TBX20: variants seen among roughly 807,000 people sequenced by gnomAD.
The protein encoded by TBX20 is T-box transcription factor TBX20.
TBX20 carries 8 observed loss-of-function variants against 42.9 expected under a neutral mutation model. That is an observed-to-expected ratio of 0.19 (90% CI 0.11 to 0.34). TBX20 has a LOEUF of 0.34. Ranked by LOEUF, TBX20 falls within the 10% of genes least tolerant of loss-of-function variation. The pLI, the probability that TBX20 is intolerant of heterozygous loss-of-function variation, is 1.00. For synonymous variants in TBX20, 198 were observed against 222.8 expected (o/e 0.89, Z 0.99); for missense variants, 411 against 566.0 (o/e 0.73, Z 2.78).
At position 35,204,455 on chromosome 7, in the gene TBX20, T is replaced by C. The variant is rs1789364136; in HGVS notation, c.1003+15A>G. On this transcript the variant is annotated intron_variant, in intron 7 of 7. Transcript: ENST00000408931. The stretch of plus-strand genomic sequence containing the variant: ...CTGCCTCCCAGCAATTCCATGGCCT[T>C]GGAAACTACCTTACCTCGATTTGGG... 1.3e-5 allele frequency: 20 copies of C among 1,593,254 alleles called. No homozygotes were observed. Among genetic ancestry groups the C allele is most frequent in the Non-Finnish European group, 1.7e-5 (20 of 1,161,516 alleles).
At chr7:35,234,874 T>C (rs1056098777) in intron 5 of TBX20, among the ~76,000 whole-genome samples, 3 of 152,128 alleles carry the variant, frequency 2.0e-5, no homozygotes, top group Admixed American at 6.5e-5. Flanking sequence ...ACAGCTTTTA[T>C]GGGGTATTAA....
At chr7:35,225,854 A>T (rs1184600223) in intron 6 of TBX20, among the ~76,000 whole-genome samples, 2 of 152,240 alleles carry the variant, frequency 1.3e-5, no homozygotes, top group Non-Finnish European at 2.9e-5. Context: ...AATGACAAGT[A>T]AAAACGATTG....
At chr7:35,245,793 G>A (rs1445453249) in intron 3 of TBX20, among the ~76,000 whole-genome samples, 1 of 152,010 alleles carries the variant, frequency 6.6e-6, no homozygotes, top group Non-Finnish European at 1.5e-5. Flanking sequence ...CATCTTTTAC[G>A]CACTCACAGT....
chr7:35,248,302 G>A (rs1186191961), intron 3 of TBX20, among the ~76,000 whole-genome samples: 1 of 152,100 alleles, frequency 6.6e-6, no homozygotes, highest in Non-Finnish European at 1.5e-5. Context: ...AAGGATTTTA[G>A]GACAACCATT....
intron 6 of TBX20, among the ~76,000 whole-genome samples, chr7:35,213,354 T>C (rs928526724): frequency 1.3e-5 from 2 of 152,184 alleles, no homozygotes; most frequent in Admixed American, 6.5e-5. Flanking sequence ...CAGGCTTCAG[T>C]AATTGTTAAC....
At chr7:35,210,550 CCAT>C (rs1789479205) in intron 6 of TBX20, among the ~76,000 whole-genome samples, 1 of 152,084 alleles carries the variant, frequency 6.6e-6, no homozygotes, top group African/African-American at 2.4e-5. Flanking sequence ...AAATTTCCAA[CCAT>C]TATTGTATAT....
intron 6 of TBX20, among the ~76,000 whole-genome samples, chr7:35,223,340 T>C (rs537703212): frequency 3.2e-4 from 48 of 152,218 alleles, no homozygotes; most frequent in African/African-American, 9.1e-4. Flanking sequence ...AGTCAGATAT[T>C]TGAATCTGGA....
At chr7:35,204,244 A>C (rs1247174807) in intron 7 of TBX20, among the ~76,000 whole-genome samples, 1 of 152,056 alleles carries the variant, frequency 6.6e-6, no homozygotes, top group East Asian at 1.9e-4. Flanking sequence ...TAAAAAAAAA[A>C]CAAACCATAG....
intron 3 of TBX20, among the ~76,000 whole-genome samples, chr7:35,245,319 GGTGTGTGTGT>G (rs61706700): frequency 2.7e-5 from 4 of 146,396 alleles, no homozygotes; most frequent in Non-Finnish European, 6.0e-5. Context: ...TGTTTAAAGG[GGTGTGTGTGT>G]GTGTGTGTGT....
At chr7:35,212,030 A>C (rs1789505298) in intron 6 of TBX20, among the ~76,000 whole-genome samples, 1 of 152,156 alleles carries the variant, frequency 6.6e-6, no homozygotes, top group Non-Finnish European at 1.5e-5. Flanking sequence ...CCCACCTCCC[A>C]ACCACCTTTA....
intron 6 of TBX20, among the ~76,000 whole-genome samples, chr7:35,228,762 A>C (rs1405455700): frequency 3.9e-5 from 6 of 152,094 alleles, no homozygotes; most frequent in Non-Finnish European, 8.8e-5. Flanking sequence ...GAGAAACTAG[A>C]CATTAGATTA....
intron 6 of TBX20, among the ~76,000 whole-genome samples, chr7:35,204,968 G>A (rs1789376460): frequency 6.6e-6 from 1 of 152,172 alleles, no homozygotes. Context: ...GACTTCATCA[G>A]CTAACAAATA....
chr7:35,220,340 C>T (rs762967382), intron 6 of TBX20, among the ~76,000 whole-genome samples: 17 of 152,154 alleles, frequency 1.1e-4, no homozygotes, highest in Non-Finnish European at 1.9e-4. Context: ...CCAGCCAGCA[C>T]ATGGTGTATT....
intron 7 of TBX20, among the ~76,000 whole-genome samples, chr7:35,204,204 C>A (rs1354444237): frequency 1.3e-5 from 2 of 152,016 alleles, no homozygotes; most frequent in Non-Finnish European, 2.9e-5. Flanking sequence ...ACTCCTGATC[C>A]CTGACTCAAA....
chr7:35,245,265 A>T (rs1790159101), intron 3 of TBX20, among the ~76,000 whole-genome samples: 1 of 151,962 alleles, frequency 6.6e-6, no homozygotes, highest in Non-Finnish European at 1.5e-5. Flanking sequence ...TATCTAAATG[A>T]GATAATACTT....
intron 6 of TBX20, among the ~76,000 whole-genome samples, chr7:35,221,564 A>T (rs946929078): frequency 3.3e-5 from 5 of 152,146 alleles, no homozygotes; most frequent in Non-Finnish European, 5.9e-5. Flanking sequence ...ATACTTCAAA[A>T]CTAGATGACA....
chr7:35,238,873 C>T (rs923062239), intron 5 of TBX20, among the ~76,000 whole-genome samples: 1 of 123,398 alleles, frequency 8.1e-6, no homozygotes, highest in Non-Finnish European at 1.8e-5. Flanking sequence ...TTCTCTATCT[C>T]ATTAATACAC....
intron 6 of TBX20, among the ~76,000 whole-genome samples, chr7:35,220,206 T>C (rs1789656785): frequency 6.6e-6 from 1 of 152,178 alleles, no homozygotes; most frequent in Non-Finnish European, 1.5e-5. Context: ...CTGTTGGAAC[T>C]TCATCAAAAC....
At chr7:35,213,156 C>T (rs537743941) in intron 6 of TBX20, among the ~76,000 whole-genome samples, 65 of 152,292 alleles carry the variant, frequency 4.3e-4, no homozygotes, top group African/African-American at 1.5e-3. Context: ...GCCTGATATC[C>T]AGTGTCATAA....
Sources: allele counts gnomAD v4.1 joint callset (sites outside exome capture counted in the v4.1 genomes callset), GRCh38; gene constraint gnomAD v4.1.1; transcripts MANE v1.5; gene names NCBI Gene and HGNC (gene_info 2026-07-23, HGNC 2026-07-21).